Variants in PHF14 observed in about 807,000 individuals in gnomAD.
PHF14 encodes PHD finger protein 14.
In PHF14, 55 loss-of-function variants were observed where a neutral mutation model predicts 117.9. The observed-to-expected ratio is 0.47, with a 90% CI of 0.38 to 0.58. PHF14 has a LOEUF of 0.58. PHF14 is among the 20% of genes least tolerant of loss of function. PHF14 has a pLI of 0.00. For synonymous variants in PHF14, 409 were observed against 368.6 expected (o/e 1.11, Z -1.26); for missense variants, 978 against 1,122.2 (o/e 0.87, Z 1.84).
intron 16 of PHF14, chr7:11,104,321 T>G (rs1007889734): frequency 7.1e-6 from 7 of 979,366 alleles, no homozygotes; most frequent in Non-Finnish European, 8.5e-6. Context: ...TCATAAGATA[T>G]AGGTCCTGCA....
chr7:11,026,430 T>C (rs1468377168), intron 6 of PHF14, among the ~76,000 whole-genome samples: 1 of 152,188 alleles, frequency 6.6e-6, no homozygotes, highest in Non-Finnish European at 1.5e-5. Context: ...TTTATTGAAG[T>C]GGTCTGGAGC....
chr7:11,005,507 T>A (rs1010508060), intron 4 of PHF14, among the ~76,000 whole-genome samples: 5 of 152,228 alleles, frequency 3.3e-5, no homozygotes, highest in Non-Finnish European at 5.9e-5. Context: ...TTCTCTGTTT[T>A]GTCCACCACT....
intron 4 of PHF14, among the ~76,000 whole-genome samples, chr7:11,013,515 T>C (rs113767403): frequency 7.2e-5 from 11 of 152,188 alleles, no homozygotes; most frequent in African/African-American, 2.7e-4. Flanking sequence ...CTTTAATGCT[T>C]TTACAGTAGG....
chr7:11,097,426 C>T (rs569946036), intron 16 of PHF14, among the ~76,000 whole-genome samples: 1 of 152,046 alleles, frequency 6.6e-6, no homozygotes, highest in African/African-American at 2.4e-5. Context: ...ATCAGAGTCT[C>T]CTCAGTTTTC....
chr7:11,062,081 G>A lies in PHF14; in HGVS notation c.2650G>A (p.Val884Ile). The A allele has an allele frequency of 6.2e-7, 1 of 1,606,312 alleles. No homozygotes were observed. The highest frequency in any genetic ancestry group is 1.3e-5 in the African/African-American group (1 of 74,848). The stretch of plus-strand genomic sequence containing the variant: ...GGGAACTGGAGACAATGAAAATCTT[G>A]TCAGGTAAGTTGGATGCTAAAACCT... ...CKGTGDNENL[V>I]RCDECRLCYH... The change falls in exon 16 of 18, where the codon GTC (valine) becomes ATC (isoleucine). Residue 884 changes from valine (V) to isoleucine (I), a missense_variant. By Grantham distance (29) the Val-to-Ile change is conservative. Transcript: ENST00000634607.
chr7:11,075,653 T>C (rs1785819754), intron 16 of PHF14, among the ~76,000 whole-genome samples: 1 of 139,586 alleles, frequency 7.2e-6, no homozygotes, highest in African/African-American at 2.7e-5. Flanking sequence ...CAGGCGCACC[T>C]CCAACACTGG....
At position 11,122,457 on chromosome 7, in the gene PHF14, T is replaced by A. The variant is rs552165289; in HGVS notation, c.2772+10990T>A. 5.3e-4 allele frequency among the ~76,000 whole-genome samples: 72 copies of A among 135,952 alleles called. 2 individuals carry two copies. In the South Asian group the frequency reaches 0.013, roughly 24 times the overall value. 89.2% of individuals were successfully genotyped at this position (135,952 alleles called of 152,430 possible). ...TATATATATACGTATATATATATAT[T>A]GTGTGTGTGTGTGTGTCAAAGGGTA... On this transcript the variant is annotated intron_variant, in intron 17 of 17. Coordinates refer to ENST00000634607, the MANE Select transcript of PHF14 (RefSeq NM_001007157.2).
chr7:10,975,773 G>T (rs77287875), intron 2 of PHF14, among the ~76,000 whole-genome samples: 2,132 of 152,202 alleles, frequency 0.014, 55 homozygotes, highest in East Asian at 0.12. Flanking sequence ...AAAATGAGAA[G>T]TAAAAGCCTT....
chr7:10,990,734 G>A lies in PHF14; in HGVS notation c.932G>A (p.Trp311Ter). The change falls in exon 4 of 18, where the codon TGG becomes TAG. Residue 311 changes from tryptophan (W) to a stop codon, truncating the protein, a stop_gained. Transcript: ENST00000634607. LOFTEE classifies it high-confidence loss of function. Reference sequence around the variant, plus strand: ...CTGATTCTTGAGAAGAGTCAAAACTGGAGCTCTCAAAAAATGGACCATATT... The same window carrying A: ...CTGATTCTTGAGAAGAGTCAAAACTAGAGCTCTCAAAAAATGGACCATATT... The part of the protein sequence containing the change: ...DSLILEKSQN[W>*]SSQKMDHILI... 6.4e-7 allele frequency: 1 copy of A among 1,559,408 alleles called. No individual in the cohort carries two copies. Among genetic ancestry groups the A allele is most frequent in the Non-Finnish European group, 8.7e-7 (1 of 1,147,674 alleles).
At chr7:11,027,833 C>A (rs77971470) in intron 6 of PHF14, among the ~76,000 whole-genome samples, 2,290 of 152,114 alleles carry the variant, frequency 0.015, 47 homozygotes, top group African/African-American at 0.053. Context: ...ATTAGTATAG[C>A]TTGATGGTGG....
chr7:11,079,489 G>A (rs1785993995), intron 16 of PHF14, among the ~76,000 whole-genome samples: 1 of 152,062 alleles, frequency 6.6e-6, no homozygotes, highest in Non-Finnish European at 1.5e-5. Context: ...AGATGTTCTG[G>A]AATAATAGTA....
intron 17 of PHF14, among the ~76,000 whole-genome samples, chr7:11,156,687 C>T (rs542180463): frequency 4.6e-5 from 7 of 152,064 alleles, no homozygotes; most frequent in African/African-American, 1.2e-4. Context: ...CCCAGCTACT[C>T]GGGAAGCTGA....
intron 16 of PHF14, chr7:11,105,671 C>T: frequency 4.1e-6 from 4 of 983,720 alleles, no homozygotes; most frequent in Non-Finnish European, 4.8e-6. Context: ...ATTGTGATTT[C>T]TAAGATAGGC....
At chr7:11,001,301 C>A (rs75284265) in intron 4 of PHF14, among the ~76,000 whole-genome samples, 2,750 of 152,268 alleles carry the variant, frequency 0.018, 78 homozygotes, top group African/African-American at 0.063. Context: ...ACTGCAGCTT[C>A]ATAGTAAGTC....
At chr7:11,135,228 G>T (rs924813508) in intron 17 of PHF14, among the ~76,000 whole-genome samples, 1 of 152,014 alleles carries the variant, frequency 6.6e-6, no homozygotes, top group African/African-American at 2.4e-5. Flanking sequence ...ATGTTAAAAT[G>T]GAGACAATAA....
intron 16 of PHF14, chr7:11,111,047 T>TAAA (rs1402452164): frequency 3.1e-5 from 6 of 195,412 alleles, no homozygotes; most frequent in Admixed American, 3.0e-4. Context: ...TTGTGGTTGT[T>TAAA]TTGAACACAT....
At chr7:11,024,382 A>G (rs1166627487) in intron 6 of PHF14, among the ~76,000 whole-genome samples, 1 of 152,218 alleles carries the variant, frequency 6.6e-6, no homozygotes, top group Non-Finnish European at 1.5e-5. Flanking sequence ...AAGACAAATG[A>G]TGAAGATTTG....
chr7:11,152,205 T>G (rs1320195438), intron 17 of PHF14, among the ~76,000 whole-genome samples: 1 of 152,186 alleles, frequency 6.6e-6, no homozygotes, highest in Admixed American at 6.5e-5. Flanking sequence ...TGGAAAAGTA[T>G]GTGAAGCTTT....
At position 11,038,847 on chromosome 7, in the gene PHF14, A is replaced by G. The variant is rs1477132753; in HGVS notation, c.2068A>G (p.Thr690Ala). The change falls in exon 11 of 18, where the codon ACA becomes GCA. Residue 690 changes from threonine to alanine, a missense_variant. Around this residue, in one of 7 missense-constraint regions of PHF14, gnomAD observed 237 missense variants for 276.4 expected, o/e 0.86. Coordinates refer to ENST00000634607, the MANE Select transcript of PHF14 (RefSeq NM_001007157.2). ...QGIWALLGRI[T>A]GQKLNIPAIL... Reference sequence around the variant, plus strand: ...AATATGGGCTTTACTAGGCAGAATCACAGGGCAGGTTAGTTTCTTTCCAAT... The same window carrying G: ...AATATGGGCTTTACTAGGCAGAATCGCAGGGCAGGTTAGTTTCTTTCCAAT... 2 of 1,532,514 alleles carry G rather than the reference A, an allele frequency of 1.3e-6. No individual in the cohort carries two copies. Among genetic ancestry groups the G allele is most frequent in the East Asian group, 4.8e-5 (2 of 41,786 alleles). The allele number at this position is 1,532,514 out of a possible 1,614,324, so 94.9% of individuals were successfully genotyped here.
Sources: allele counts gnomAD v4.1 joint callset (sites outside exome capture counted in the v4.1 genomes callset), GRCh38; gene constraint gnomAD v4.1.1; regional missense constraint gnomAD v4.1.1; transcripts MANE v1.5; gene names NCBI Gene and HGNC (gene_info 2026-07-23, HGNC 2026-07-21).